CARD14: variants seen among roughly 807,000 people sequenced by gnomAD.
The protein encoded by CARD14 is caspase recruitment domain-containing protein 14.
Under a neutral mutation model 111.5 loss-of-function variants are expected in CARD14, and 107 were observed. That is an observed-to-expected ratio of 0.96 (90% CI 0.82 to 1.13). The LOEUF (loss-of-function observed/expected upper bound fraction) is 1.13. CARD14 is among the 50% of genes most tolerant of loss of function. The probability of loss-of-function intolerance (pLI) is 0.00; values close to 1 mark genes in which losing one functional copy is unlikely to be tolerated. For missense variants in CARD14, 1,322 were observed against 1,362.3 expected (o/e 0.97, Z 0.47); for synonymous variants, 617 against 579.6 (o/e 1.06, Z -0.93).
chr17:80,195,300 C>T lies in CARD14; in HGVS notation c.1466C>T (p.Ala489Val), dbSNP rs2040671059. Residue 489 changes from alanine to valine, a missense_variant, in exon 13 of 24, where the codon GCC becomes GTC. Coordinates refer to ENST00000648509, the MANE Select transcript of CARD14 (RefSeq NM_001366385.1). This position sits in a 1 kb window ranked among gnomAD's most constrained non-coding sequence, Gnocchi z 4.7. ...PSQQSLYKRV[A>V]EDFGEEPWSF... ...CAGCAGTCCCTGTACAAGCGGGTGGCCGAGGACTTCGGGGAAGAACCCTGG... is the reference window on the plus strand; with the variant it reads ...CAGCAGTCCCTGTACAAGCGGGTGGTCGAGGACTTCGGGGAAGAACCCTGG... 6.2e-7 allele frequency: 1 copy of T among 1,612,816 alleles called. No individual in the cohort carries two copies. Among genetic ancestry groups the T allele is most frequent in the Non-Finnish European group, 8.5e-7 (1 of 1,179,624 alleles).
chr17:80,204,112 T>A, intron 19 of CARD14, 115 bp from the exon 20 acceptor site: 1 of 1,035,070 alleles, frequency 9.7e-7, no homozygotes, highest in Non-Finnish European at 1.4e-6. Context: ...TCTCAGAGCA[T>A]CTGCGCCTCT....
chr17:80,184,411 G>C (rs1036738659), intron 7 of CARD14, among the ~76,000 whole-genome samples, 173 bp downstream of exon 7: 22 of 152,130 alleles, frequency 1.4e-4, no homozygotes, highest in Non-Finnish European at 2.6e-4. Flanking sequence ...CCCTCCCCAG[G>C]AGGCCACCCA....
Position 80,190,815 on chromosome 17 carries a change from G to A in CARD14, c.1005G>A (p.Lys335=). ...EKEQTLLQFQ[K]SKMACQLYRE... Reference sequence around the variant, plus strand: ...AACAGACCCTGCTGCAGTTCCAGAAGAGTAAGATGGCCTGCCAACTCTACA... The same window carrying A: ...AACAGACCCTGCTGCAGTTCCAGAAAAGTAAGATGGCCTGCCAACTCTACA... Residue 335 remains lysine (K), a synonymous_variant, in exon 10 of 24, where the codon AAG becomes AAA. Coordinates refer to ENST00000648509, the MANE Select transcript of CARD14 (RefSeq NM_001366385.1). 1 of 1,614,174 alleles carries A rather than the reference G, an allele frequency of 6.2e-7. No individual in the cohort carries two copies. Among genetic ancestry groups the A allele is most frequent in the Non-Finnish European group, 8.5e-7 (1 of 1,180,046 alleles).
chr17:80,198,134 T>TG lies in CARD14; in HGVS notation c.1630_1631insG (p.Ser544CysfsTer6), dbSNP rs748218364. On this transcript the variant is annotated frameshift_variant, in exon 15 of 24. Transcript: ENST00000648509. LOFTEE classifies it high-confidence loss of function. This position sits in a 1 kb window ranked among gnomAD's most constrained non-coding sequence, Gnocchi z 7.5. Reference sequence around the variant, plus strand: ...GCTGGAAAGCAGCCTGCAGCCAGTCTCCCCTGGAAGGCTTGATGTCTCGGA... The same window carrying TG: ...GCTGGAAAGCAGCCTGCAGCCAGTCTGCCCCTGGAAGGCTTGATGTCTCGGA... 13 of 1,613,566 alleles carry TG rather than the reference T, an allele frequency of 8.1e-6. No homozygotes were observed. The highest frequency in any genetic ancestry group is 7.6e-6 in the Non-Finnish European group (9 of 1,179,966).
chr17:80,209,329 A>G lies in CARD14; in HGVS notation c.*984A>G. 1.0e-6 allele frequency: 1 copy of G among 985,408 alleles called. No individual in the cohort carries two copies. Among genetic ancestry groups the G allele is most frequent in the Non-Finnish European group, 1.2e-6 (1 of 829,910 alleles). 61.0% of individuals were successfully genotyped at this position (985,408 alleles called of 1,614,324 possible). A position where few individuals can be genotyped will look rare whatever the true frequency, so the allele number is the denominator to read the frequency against. The stretch of plus-strand genomic sequence containing the variant: ...TTTACTAAAATAAAAAGCTTTTACA[A>G]TAGCTGGCCTGTGGCCTCCTCCAGC... On this transcript the variant is annotated 3_prime_UTR_variant, in exon 24 of 24. Coordinates refer to ENST00000648509, the MANE Select transcript of CARD14 (RefSeq NM_001366385.1).
chr17:80,205,579 TC>T lies in CARD14; in HGVS notation c.2619del (p.Ile874SerfsTer13). On this transcript the variant is annotated frameshift_variant, in exon 22 of 24. Coordinates refer to ENST00000648509, the MANE Select transcript of CARD14 (RefSeq NM_001366385.1). LOFTEE classifies it high-confidence loss of function. ...EYEAWSQRGD[I>X]IQEGEVSGGR... Reference sequence around the variant, plus strand: ...GAGGCCTGGAGCCAGAGAGGGGACATCATCCAGGAGGGAGAGGTGTCCGGGG... The same window carrying T: ...GAGGCCTGGAGCCAGAGAGGGGACATATCCAGGAGGGAGAGGTGTCCGGGG... The T allele has an allele frequency of 6.3e-7, 1 of 1,577,868 alleles. No individual in the cohort carries two copies. The highest frequency in any genetic ancestry group is 8.6e-7 in the Non-Finnish European group (1 of 1,161,268).
chr17:80,179,783 G>A (rs982641820), intron 4 of CARD14, among the ~76,000 whole-genome samples: 3 of 152,158 alleles, frequency 2.0e-5, no homozygotes, highest in Non-Finnish European at 2.9e-5. Context: ...AGTGAGCCAC[G>A]ATCACGCTAC....
chr17:80,207,683 T>G (rs1209578961), intron 23 of CARD14: 1 of 163,200 alleles, frequency 6.1e-6, no homozygotes, highest in African/African-American at 2.4e-5. Context: ...AGTAGCCTAG[T>G]CACTGGAAAA....
intron 1 of CARD14, among the ~76,000 whole-genome samples, chr17:80,171,754 G>C (rs1009031657): frequency 6.6e-6 from 1 of 152,224 alleles, no homozygotes; most frequent in Non-Finnish European, 1.5e-5. Flanking sequence ...CAGAGCCCCT[G>C]TCTTCAGCTG....
Position 80,201,500 on chromosome 17 carries a change from A to G in CARD14, c.1852-244A>G. On this transcript the variant is annotated intron_variant, in intron 16 of 23. Coordinates refer to ENST00000648509, the MANE Select transcript of CARD14 (RefSeq NM_001366385.1). This position sits in a 1 kb window ranked among gnomAD's most constrained non-coding sequence, Gnocchi z 5.0. ...AAGTGCTTATCACAAAGAACCCCCG[A>G]TCTCGACTGGGGAAGGGTTGGCAGT... 1 of 533,572 alleles carries G rather than the reference A, an allele frequency of 1.9e-6. No individual in the cohort carries two copies. The highest frequency in any genetic ancestry group is 3.3e-6 in the Non-Finnish European group (1 of 300,772). The allele number at this position is 533,572 out of a possible 1,614,324, so 33.1% of individuals were successfully genotyped here. A position where few individuals can be genotyped will look rare whatever the true frequency, so the allele number is the denominator to read the frequency against.
At position 80,202,700 on chromosome 17, in the gene CARD14, C is replaced by A. The variant is rs1255995345; in HGVS notation, c.2219+280C>A. The stretch of plus-strand genomic sequence containing the variant: ...GTACCATGGACGTTTGGGGCTGGAT[C>A]CCCGTCTGTGGTGGGGCCGTCCTGG... On this transcript the variant is annotated intron_variant, in intron 18 of 23. Coordinates refer to ENST00000648509, the MANE Select transcript of CARD14 (RefSeq NM_001366385.1). The A allele has an allele frequency of 3.7e-5, 37 of 1,011,828 alleles. 1 individual carries two copies. In the East Asian group the frequency reaches 1.3e-3, roughly 35 times the overall value. 62.7% of individuals were successfully genotyped at this position (1,011,828 alleles called of 1,614,324 possible).
At chr17:80,191,785 G>A (rs1414736923) in intron 11 of CARD14, among the ~76,000 whole-genome samples, 4 of 152,356 alleles carry the variant, frequency 2.6e-5, no homozygotes, top group East Asian at 1.9e-4. Flanking sequence ...TGTGGCAGGT[G>A]GCGTTTGAAG....
At chr17:80,207,845 A>G (rs1424342097) in intron 23 of CARD14, among the ~76,000 whole-genome samples, 1 of 151,926 alleles carries the variant, frequency 6.6e-6, no homozygotes, top group East Asian at 1.9e-4. Context: ...AGCACAATCT[A>G]ATCCTTGTCG....
intron 22 of CARD14, 181 bp downstream of exon 22, chr17:80,205,833 G>A (rs1018846997): frequency 2.2e-5 from 12 of 539,300 alleles, no homozygotes; most frequent in Middle Eastern, 4.8e-4. Flanking sequence ...TAGGATCCAC[G>A]TGACTGTGGG....
At chr17:80,205,277 T>A in intron 21 of CARD14, 72 bp downstream of exon 21, 1 of 1,254,480 alleles carries the variant, frequency 8.0e-7, no homozygotes, top group Non-Finnish European at 1.1e-6. Context: ...CCTCCCTCCT[T>A]CCTCCCCTTC....
rs368432283 is a variant in CARD14 at position 80,195,262 on chromosome 17, C to T, written c.1428C>T (p.Pro476=). The T allele has an allele frequency of 1.1e-4, 172 of 1,612,606 alleles. 1 individual carries two copies. In the South Asian group the frequency reaches 1.5e-3, roughly 14 times the overall value. Reference sequence around the variant, plus strand: ...TGGACAGCTTCCGCTCCAGCAGCCCCGCGCCCCCCAGCCAGCAGTCCCTGT... The same window carrying T: ...TGGACAGCTTCCGCTCCAGCAGCCCTGCGCCCCCCAGCCAGCAGTCCCTGT... ...ELVDSFRSSS[P]APPSQQSLYK... is the part of the protein sequence containing the mutation. The change falls in exon 13 of 24, where the codon CCC becomes CCT. Residue 476 remains proline (P), a synonymous_variant. Transcript: ENST00000648509. The surrounding 1 kb of genome is among the most constrained non-coding windows in gnomAD (Gnocchi z 4.7).
At chr17:80,184,277 C>A in intron 7 of CARD14, 39 bp downstream of exon 7, 1 of 1,450,676 alleles carries the variant, frequency 6.9e-7, no homozygotes, top group South Asian at 1.4e-5. Flanking sequence ...ACCCTGCTGT[C>A]GTCTGCCCCC....
intron 23 of CARD14, 74 bp from the exon 24 acceptor site, chr17:80,208,064 A>C: frequency 8.3e-7 from 1 of 1,199,628 alleles, no homozygotes; most frequent in African/African-American, 1.5e-5. Context: ...GGTGCATGTC[A>C]TCACTACCCT....
chr17:80,188,008 T>A lies in CARD14; in HGVS notation c.676-369T>A. ...TCCAAATTCCCTTTCTTGATGTATT[T>A]AGCAGAACATGGACAAGCAGGGAAG... On this transcript the variant is annotated intron_variant, in intron 7 of 23. Coordinates refer to ENST00000648509, the MANE Select transcript of CARD14 (RefSeq NM_001366385.1). The surrounding 1 kb of genome is among the most constrained non-coding windows in gnomAD (Gnocchi z 4.5). 2 of 979,732 alleles carry A rather than the reference T, an allele frequency of 2.0e-6. No individual in the cohort carries two copies. The highest frequency in any genetic ancestry group is 2.4e-6 in the Non-Finnish European group (2 of 822,428). The allele number at this position is 979,732 out of a possible 1,614,324, so 60.7% of individuals were successfully genotyped here. A position where few individuals can be genotyped will look rare whatever the true frequency, so the allele number is the denominator to read the frequency against.
Sources: gnomAD v4.1 joint callset for allele counts (sites outside exome capture counted in the v4.1 genomes callset) on GRCh38, gnomAD v4.1.1 for gene constraint, Gnocchi (gnomAD v3.1) non-coding constraint, MANE v1.5 for transcripts, NCBI Gene and HGNC (gene_info 2026-07-23, HGNC 2026-07-21) for gene names.